The following PTH1R variants were observed in gnomAD, a reference collection of about 807,000 sequenced individuals.
The protein encoded by PTH1R is parathyroid hormone/parathyroid hormone-related peptide receptor.
Under a neutral mutation model 70.7 loss-of-function variants are expected in PTH1R, and 32 were observed. The ratio of observed to expected loss-of-function variants is 0.45; its 90% confidence interval spans 0.34 to 0.61. The LOEUF is 0.61. Among genes scored for constraint, PTH1R ranks in the 20% least tolerant of loss-of-function variants. The pLI is 0.01. For missense variants in PTH1R, 626 were observed against 792.5 expected, an observed-to-expected ratio of 0.79 and a Z score of 2.52; for synonymous variants, 329 against 324.8, an observed-to-expected ratio of 1.01 and a Z score of -0.14.
At position 46,903,242 on chromosome 3, in the gene PTH1R, C is replaced by A; in HGVS notation, c.1396-28C>A. ...GCATCGCTGGGGTTGGGAGACACAC[C>A]TGACTGCCGCACCCTTACTGCCCCA... On this transcript the variant is annotated intron_variant, in intron 15 of 15. Coordinates refer to ENST00000449590, the MANE Select transcript of PTH1R (RefSeq NM_000316.3). This position sits in a 1 kb window ranked among gnomAD's most constrained non-coding sequence, Gnocchi z 4.4. 1.9e-6 allele frequency: 3 copies of A among 1,611,120 alleles called. No homozygotes were observed. The highest frequency in any genetic ancestry group is 2.5e-6 in the Non-Finnish European group (3 of 1,179,680).
intron 3 of PTH1R, among the ~76,000 whole-genome samples, chr3:46,885,013 A>G (rs1459248976): frequency 6.6e-6 from 1 of 152,164 alleles, no homozygotes; most frequent in Admixed American, 6.5e-5. Context: ...GAGGAGCTCA[A>G]CACCCTCTGC....
chr3:46,895,432 G>C (rs549615989), intron 4 of PTH1R, among the ~76,000 whole-genome samples: 2 of 152,306 alleles, frequency 1.3e-5, no homozygotes, highest in South Asian at 4.1e-4. Flanking sequence ...ACTCCTGGGT[G>C]GGAGGATACC....
Position 46,903,506 on chromosome 3 carries a change from C to T in PTH1R, c.1632C>T (p.Ala544=). The T allele has an allele frequency of 1.2e-6, 2 of 1,613,962 alleles. No homozygotes were observed. Among genetic ancestry groups the T allele is most frequent in the Admixed American group, 1.7e-5 (1 of 60,030 alleles). The change falls in exon 16 of 16, where the codon GCC becomes GCT. Residue 544 remains alanine, a synonymous_variant. Transcript: ENST00000449590. The surrounding 1 kb of genome is among the most constrained non-coding windows in gnomAD (Gnocchi z 4.4). ...GCCATGCCAAGCCAGGGACCCCAGC[C>T]CTGGAGACCCTCGAGACCACACCAC... is the stretch of plus-strand genomic sequence containing the variant. The part of the protein sequence containing the change: ...LPGHAKPGTP[A]LETLETTPPA...
rs1328660727 is a variant in PTH1R at position 46,901,244 on chromosome 3, G to A, written c.1049+159G>A. Among the ~76,000 whole-genome samples, 1 of 152,182 alleles carries A rather than the reference G, an allele frequency of 6.6e-6. No individual in the cohort carries two copies. The highest frequency in any genetic ancestry group is 1.5e-5 in the Non-Finnish European group (1 of 68,028). On this transcript the variant is annotated intron_variant, in intron 11 of 15. Coordinates refer to ENST00000449590, the MANE Select transcript of PTH1R (RefSeq NM_000316.3). The surrounding 1 kb of genome is among the most constrained non-coding windows in gnomAD (Gnocchi z 7.3). ...GCCAGGAGCACCCTCAGGGTCACAG[G>A]AGGCTACTTCCAAAGAGGCCTGTGA... is the stretch of plus-strand genomic sequence containing the variant.
rs1306634286 is a variant in PTH1R, at chr3:46,896,163, G to A, written c.313+294G>A. Reference sequence around the variant, plus strand: ...GAAAGAGAGATGACAGAGAACCCTGGGGGACAGAGAGGCAGGGAGAGATAC... The same window carrying A: ...GAAAGAGAGATGACAGAGAACCCTGAGGGACAGAGAGGCAGGGAGAGATAC... On this transcript the variant is annotated intron_variant, in intron 5 of 15. Transcript: ENST00000449590. The surrounding 1 kb of genome is among the most constrained non-coding windows in gnomAD (Gnocchi z 4.1). Among the ~76,000 whole-genome samples the A allele has an allele frequency of 6.7e-6, 1 of 150,012 alleles. No individual in the cohort carries two copies. Among genetic ancestry groups the A allele is most frequent in the African/African-American group, 2.4e-5 (1 of 41,086 alleles).
At position 46,900,676 on chromosome 3, in the gene PTH1R, T is replaced by C. The variant is rs186047971; in HGVS notation, c.989-349T>C. On this transcript the variant is annotated intron_variant, in intron 10 of 15. Transcript: ENST00000449590. ...ATGCGGAAAATAGGCTGTCTCCCCA[T>C]GGGAGCTGCAAGTCCAAAGCAGTGC... Among the ~76,000 whole-genome samples the C allele has an allele frequency of 6.2e-3, 946 of 152,192 alleles. 15 individuals carry two copies. Among genetic ancestry groups the C allele is most frequent in the African/African-American group, 0.02 (840 of 41,506 alleles).
chr3:46,897,351 G>A (rs1419672044), intron 5 of PTH1R, among the ~76,000 whole-genome samples: 2 of 152,226 alleles, frequency 1.3e-5, no homozygotes, highest in Non-Finnish European at 2.9e-5. Context: ...TATGAGGTGG[G>A]TACAGCCCAC....
In PTH1R at chr3:46,901,942, C is replaced by A; in HGVS notation, c.1211+82C>A. ...CCATGTACCCCAGGAAAGACAGTGG[C>A]CCCATGAATGATCCTGGGGCAAGGG... On this transcript the variant is annotated intron_variant, in intron 13 of 15. Coordinates refer to ENST00000449590, the MANE Select transcript of PTH1R (RefSeq NM_000316.3). This position sits in a 1 kb window ranked among gnomAD's most constrained non-coding sequence, Gnocchi z 7.3. The A allele has an allele frequency of 7.3e-7, 1 of 1,370,220 alleles. No homozygotes were observed. The highest frequency in any genetic ancestry group is 1.0e-6 in the Non-Finnish European group (1 of 968,482). The allele number at this position is 1,370,220 out of a possible 1,614,324, so 84.9% of individuals were successfully genotyped here.
intron 3 of PTH1R, among the ~76,000 whole-genome samples, chr3:46,886,035 TG>T (rs2106968003): frequency 6.6e-6 from 1 of 152,312 alleles, no homozygotes; most frequent in Non-Finnish European, 1.5e-5. Context: ...GTCCATCTTC[TG>T]CTGTACAGGA....
rs2031566139 is a variant in PTH1R, at chr3:46,893,734, C to T, written c.76-173C>T. On this transcript the variant is annotated intron_variant, in intron 3 of 15. Transcript: ENST00000449590. The surrounding 1 kb of genome is among the most constrained non-coding windows in gnomAD (Gnocchi z 5.2). ...ACCCCTCAGAGCCACAGCTTCCCAT[C>T]TGTAAGGTGTGAGCTCCATAGAGCA... is the stretch of plus-strand genomic sequence containing the variant. 6.6e-6 allele frequency among the ~76,000 whole-genome samples: 1 copy of T among 152,244 alleles called. No homozygotes were observed. Among genetic ancestry groups the T allele is most frequent in the African/African-American group, 2.4e-5 (1 of 41,458 alleles).
rs2030636579 is a variant in PTH1R, at chr3:46,882,235, G to A, written c.-49+1117G>A. 1 of 151,896 alleles carries A rather than the reference G, an allele frequency of 6.6e-6. No individual in the cohort carries two copies. Among genetic ancestry groups the A allele is most frequent in the Non-Finnish European group, 1.5e-5 (1 of 67,944 alleles). 9.4% of individuals were successfully genotyped at this position (151,896 alleles called of 1,614,324 possible). A position where few individuals can be genotyped will look rare whatever the true frequency, so the allele number is the denominator to read the frequency against. On this transcript the variant is annotated intron_variant, in intron 2 of 15. Transcript: ENST00000449590. This position sits in a 1 kb window ranked among gnomAD's most constrained non-coding sequence, Gnocchi z 4.3. Reference sequence around the variant, plus strand: ...GGCGCGGGGGAGGGAAGAGGCGCCCGGCCGGGGAGAAGGGGAGCGGCAGAC... The same window carrying A: ...GGCGCGGGGGAGGGAAGAGGCGCCCAGCCGGGGAGAAGGGGAGCGGCAGAC...
rs565411879 is a variant in PTH1R, at chr3:46,891,969, C to T, written c.76-1938C>T. ...GAGTGAGGTGGACAGGGATCAGCCC[C>T]CTCACCAGCATGGATCCCCCATGTC... On this transcript the variant is annotated intron_variant, in intron 3 of 15. Transcript: ENST00000449590. This position sits in a 1 kb window ranked among gnomAD's most constrained non-coding sequence, Gnocchi z 4.3. Among the ~76,000 whole-genome samples the T allele has an allele frequency of 1.4e-4, 22 of 152,186 alleles. No homozygotes were observed. Among genetic ancestry groups the T allele is most frequent in the African/African-American group, 4.1e-4 (17 of 41,500 alleles).
chr3:46,899,308 C>T lies in PTH1R; in HGVS notation c.840C>T (p.Gly280=). 6.2e-7 allele frequency: 1 copy of T among 1,613,962 alleles called. No homozygotes were observed. Among genetic ancestry groups the T allele is most frequent in the Non-Finnish European group, 8.5e-7 (1 of 1,180,012 alleles). Residue 280 remains glycine (G), a synonymous_variant, in exon 10 of 16, where the codon GGC becomes GGT. Transcript: ENST00000449590. ...PPATAAAGYA[G]CRVAVTFFLY... is the part of the protein sequence containing the mutation. ...AACACCAGCTGGTCTCTTAGGCGGGCTGCAGGGTGGCTGTGACCTTCTTCC... is the reference window on the plus strand; with the variant it reads ...AACACCAGCTGGTCTCTTAGGCGGGTTGCAGGGTGGCTGTGACCTTCTTCC...
rs1276293750 is a variant in PTH1R at position 46,891,348 on chromosome 3, G to C, written c.76-2559G>C. Among the ~76,000 whole-genome samples the C allele has an allele frequency of 2.6e-5, 4 of 152,218 alleles. No homozygotes were observed. The highest frequency in any genetic ancestry group is 5.9e-5 in the Non-Finnish European group (4 of 68,042). On this transcript the variant is annotated intron_variant, in intron 3 of 15. Coordinates refer to ENST00000449590, the MANE Select transcript of PTH1R (RefSeq NM_000316.3). The surrounding 1 kb of genome is among the most constrained non-coding windows in gnomAD (Gnocchi z 4.3). ...TGAGGGGTGTGTTGGTCAGCTTTCG[G>C]TGGTCAGGCTGCCCAATGGCCACTC...
chr3:46,883,661 G>C lies in PTH1R; in HGVS notation c.75+27G>C, dbSNP rs571514959. On this transcript the variant is annotated intron_variant, in intron 3 of 15. Transcript: ENST00000449590. This position sits in a 1 kb window ranked among gnomAD's most constrained non-coding sequence, Gnocchi z 6.4. ...TGAGTCCCCCGCCGCCAACACTCCG[G>C]GACAGGCTGCGGGCTTACCCTAGGG... 4.5e-6 allele frequency: 7 copies of C among 1,545,624 alleles called. No individual in the cohort carries two copies. The African/African-American group carries it at 9.6e-5, about 21-fold the overall frequency.
chr3:46,889,748 G>A (rs548982963), intron 3 of PTH1R, among the ~76,000 whole-genome samples: 35 of 152,262 alleles, frequency 2.3e-4, no homozygotes, highest in African/African-American at 7.9e-4. Flanking sequence ...GTGCAGGGCT[G>A]GGTGGCCTGT....
At chr3:46,900,882 C>T (rs1241111665) in intron 10 of PTH1R, 143 bp from the exon 11 acceptor site, 2 of 903,688 alleles carry the variant, frequency 2.2e-6, no homozygotes, top group Non-Finnish European at 3.5e-6. Flanking sequence ...CAGAGTGTGG[C>T]TCTGTCACCA....
chr3:46,895,965 CTTATAGAAA>C, intron 5 of PTH1R, 96 bp downstream of exon 5: 1 of 1,473,846 alleles, frequency 6.8e-7, no homozygotes, highest in South Asian at 1.2e-5. Context: ...CTTCTTGGCT[CTTATAGAAA>C]GTAAAAGGCT....
chr3:46,888,955 G>A lies in PTH1R; in HGVS notation c.76-4952G>A, dbSNP rs566970397. 1.4e-3 allele frequency among the ~76,000 whole-genome samples: 216 copies of A among 152,338 alleles called. 1 individual carries two copies. Among genetic ancestry groups the A allele is most frequent in the Admixed American group, 2.7e-3 (42 of 15,312 alleles). ...GGCAGCCTGTTCAGGAAAGCCTGGC[G>A]AAGGGGAGGAAAAGTCAGCACTTGT... On this transcript the variant is annotated intron_variant, in intron 3 of 15. Transcript: ENST00000449590.
Sources: allele counts gnomAD v4.1 joint callset (sites outside exome capture counted in the v4.1 genomes callset), GRCh38; gene constraint gnomAD v4.1.1; non-coding constraint Gnocchi (gnomAD v3.1); transcripts MANE v1.5; gene names NCBI Gene and HGNC (gene_info 2026-07-23, HGNC 2026-07-21).